KMT5B: variants seen among roughly 807,000 people sequenced by gnomAD.
KMT5B encodes the protein histone-lysine N-methyltransferase KMT5B.
Under a neutral mutation model 83.2 loss-of-function variants are expected in KMT5B, and 10 were observed. That is an observed-to-expected ratio of 0.12 (90% CI 0.07 to 0.20). The LOEUF (loss-of-function observed/expected upper bound fraction) is 0.20, where lower values mean the gene tolerates loss of function less well. Among genes scored for constraint, KMT5B ranks in the 10% least tolerant of loss-of-function variants. The pLI, the probability that KMT5B is intolerant of heterozygous loss-of-function variation, is 1.00. For synonymous variants in KMT5B, 349 were observed against 388.8 expected, an observed-to-expected ratio of 0.90 and a Z score of 1.20; for missense variants, 753 against 1,067.2, an observed-to-expected ratio of 0.71 and a Z score of 4.10.
rs1861219195 is a variant in KMT5B at position 68,213,288 on chromosome 11, A to T, written c.-227T>A. 1 of 147,080 alleles carries T rather than the reference A, an allele frequency of 6.8e-6. No individual in the cohort carries two copies. Among genetic ancestry groups the T allele is most frequent in the Middle Eastern group, 3.5e-3 (1 of 284 alleles). 9.1% of individuals were successfully genotyped at this position (147,080 alleles called of 1,614,324 possible). On this transcript the variant is annotated 5_prime_UTR_variant, in exon 1 of 11. Coordinates refer to ENST00000304363, the MANE Select transcript of KMT5B (RefSeq NM_017635.5). ...ATTCCAGAGAAAAATGGAGAGTAAA[A>T]TCCAAGATGGCGGCGCGGGCCGCAG...
At chr11:68,198,041 G>A (rs776642638) in intron 1 of KMT5B, among the ~76,000 whole-genome samples, 2 of 152,166 alleles carry the variant, frequency 1.3e-5, no homozygotes, top group Non-Finnish European at 2.9e-5. Flanking sequence ...AAGACCACAC[G>A]TTTACACATT....
At position 68,185,721 on chromosome 11, in the gene KMT5B, T is replaced by A. The variant is rs371190216; in HGVS notation, c.308+60A>T. Reference sequence around the variant, plus strand: ...TTTTGAGCAAAAGTAAAATTAGCCATCTATGTTCTTGAATTCAACATAATC... The same window carrying A: ...TTTTGAGCAAAAGTAAAATTAGCCAACTATGTTCTTGAATTCAACATAATC... On this transcript the variant is annotated intron_variant, in intron 3 of 10. Transcript: ENST00000304363. 6 of 1,472,682 alleles carry A rather than the reference T, an allele frequency of 4.1e-6. No individual in the cohort carries two copies. The African/African-American group carries it at 4.2e-5, about 10-fold the overall frequency. 91.2% of individuals were successfully genotyped at this position (1,472,682 alleles called of 1,614,324 possible).
chr11:68,181,923 C>T (rs184634464), intron 3 of KMT5B, among the ~76,000 whole-genome samples: 23 of 152,360 alleles, frequency 1.5e-4, no homozygotes, highest in Admixed American at 7.8e-4. Flanking sequence ...GCCTGAAGTG[C>T]TGGCATTGCT....
At chr11:68,199,470 G>A (rs1859144754) in intron 1 of KMT5B, among the ~76,000 whole-genome samples, 1 of 152,134 alleles carries the variant, frequency 6.6e-6, no homozygotes. Flanking sequence ...GGCGTGGCTG[G>A]GGCAAATATG....
At chr11:68,185,105 GA>G (rs1167634700) in intron 3 of KMT5B, among the ~76,000 whole-genome samples, 1 of 151,518 alleles carries the variant, frequency 6.6e-6, no homozygotes, top group African/African-American at 2.4e-5. Context: ...ATAAAATCAT[GA>G]AAAAAAGGGA....
At chr11:68,180,639 C>G (rs1856828109) in intron 3 of KMT5B, among the ~76,000 whole-genome samples, 1 of 152,130 alleles carries the variant, frequency 6.6e-6, no homozygotes, top group South Asian at 2.1e-4. Context: ...AAACTCAGTG[C>G]CCTGAAGTGA....
chr11:68,201,918 CAA>C (rs779662280), intron 1 of KMT5B, among the ~76,000 whole-genome samples: 14 of 82,912 alleles, frequency 1.7e-4, no homozygotes, highest in East Asian at 3.3e-4. Flanking sequence ...CAGTCTCTAC[CAA>C]AAAAAAAAAA....
upstream of KMT5B, chr11:68,213,599 T>TGCCCTGCCGCCC (rs1321778047): frequency 2.0e-5 from 3 of 152,208 alleles, no homozygotes; most frequent in Non-Finnish European, 4.4e-5. Flanking sequence ...ATCGCCCCGC[T>TGCCCTGCCGCCC]GCCCTGCCGC....
rs1190652684 is a variant in KMT5B, at chr11:68,179,705, TATAAA to T, written c.377+422_377+426del. On this transcript the variant is annotated intron_variant, in intron 4 of 10. Coordinates refer to ENST00000304363, the MANE Select transcript of KMT5B (RefSeq NM_017635.5). ...GAGAAAAATGCTCAAATATTTAAGATATAAAATAAAACCATGAGGCAACATAGTGA... is the reference window on the plus strand; with the variant it reads ...GAGAAAAATGCTCAAATATTTAAGATATAAAACCATGAGGCAACATAGTGA... 5 of 1,048,744 alleles carry T rather than the reference TATAAA, an allele frequency of 4.8e-6. No homozygotes were observed. In the East Asian group the frequency reaches 3.2e-4, roughly 67 times the overall value. 65.0% of individuals were successfully genotyped at this position (1,048,744 alleles called of 1,614,324 possible). A position where few individuals can be genotyped will look rare whatever the true frequency, so the allele number is the denominator to read the frequency against.
Position 68,155,233 on chromosome 11 carries a change from C to A in KMT5B, c.*2455G>T, listed in dbSNP as rs1024063887. ...GGTGTGTGGCTGTCACCATTCCACACGGTGAAGTTCTACAGCAGATCCGGA... is the reference window on the plus strand; with the variant it reads ...GGTGTGTGGCTGTCACCATTCCACAAGGTGAAGTTCTACAGCAGATCCGGA... On this transcript the variant is annotated 3_prime_UTR_variant, in exon 11 of 11. Coordinates refer to ENST00000304363, the MANE Select transcript of KMT5B (RefSeq NM_017635.5). The A allele has an allele frequency of 2.0e-5, 3 of 152,186 alleles. No homozygotes were observed. The highest frequency in any genetic ancestry group is 2.9e-5 in the Non-Finnish European group (2 of 68,042). The allele number at this position is 152,186 out of a possible 1,614,324, so 9.4% of individuals were successfully genotyped here. A position where few individuals can be genotyped will look rare whatever the true frequency, so the allele number is the denominator to read the frequency against.
At chr11:68,197,615 T>G (rs1858882316) in intron 1 of KMT5B, among the ~76,000 whole-genome samples, 1 of 152,210 alleles carries the variant, frequency 6.6e-6, no homozygotes, top group Non-Finnish European at 1.5e-5. Flanking sequence ...GCACATAATT[T>G]AAATTAAATG....
Position 68,158,359 on chromosome 11 carries a change from C to T in KMT5B, c.1987G>A (p.Val663Met). 6.8e-6 allele frequency: 11 copies of T among 1,614,190 alleles called. No homozygotes were observed. Among genetic ancestry groups the T allele is most frequent in the East Asian group, 2.2e-5 (1 of 44,888 alleles). The part of the protein sequence containing the change: ...GEHSGTVGVP[V>M]SYTDCAPSPV... ...GAAGGAGCACAGTCTGTGTAGCTCA[C>T]AGGCACGCCCACAGTGCCACTGTGC... is the stretch of plus-strand genomic sequence containing the variant. Residue 663 changes from valine (V) to methionine (M), a missense_variant, in exon 11 of 11, where the codon GTG becomes ATG. Val to Met is a conservative substitution (Grantham distance 21). This residue lies in a region of KMT5B where 397 missense variants were observed against 395.9 expected (regional missense o/e 1.00). Coordinates refer to ENST00000304363, the MANE Select transcript of KMT5B (RefSeq NM_017635.5).
intron 1 of KMT5B, among the ~76,000 whole-genome samples, chr11:68,195,508 G>A (rs1024629013): frequency 6.6e-6 from 1 of 152,182 alleles, no homozygotes; most frequent in Non-Finnish European, 1.5e-5. Flanking sequence ...CTTATCTCCA[G>A]GGCCTGGGAA....
At chr11:68,163,847 G>A (rs1855062667) in intron 10 of KMT5B, among the ~76,000 whole-genome samples, 1 of 152,162 alleles carries the variant, frequency 6.6e-6, no homozygotes, top group Non-Finnish European at 1.5e-5. Flanking sequence ...TGAGTGACAG[G>A]GCAGGAGTGA....
rs961303710 is a variant in KMT5B at position 68,171,407 on chromosome 11, A to G, written c.820+136T>C. 8 of 1,277,322 alleles carry G rather than the reference A, an allele frequency of 6.3e-6. No individual in the cohort carries two copies. Among genetic ancestry groups the G allele is most frequent in the African/African-American group, 1.5e-5 (1 of 65,918 alleles). 79.1% of individuals were successfully genotyped at this position (1,277,322 alleles called of 1,614,324 possible). ...ACTAAAGGAATATACATTTATTTTAATAAGTTTGTGGAAACATTTCTATTT... is the reference window on the plus strand; with the variant it reads ...ACTAAAGGAATATACATTTATTTTAGTAAGTTTGTGGAAACATTTCTATTT... On this transcript the variant is annotated intron_variant, in intron 7 of 10. Coordinates refer to ENST00000304363, the MANE Select transcript of KMT5B (RefSeq NM_017635.5). The surrounding 1 kb of genome is among the most constrained non-coding windows in gnomAD (Gnocchi z 5.1).
rs1859384500 is a variant in KMT5B, at chr11:68,157,506, T to C, written c.*182A>G. On this transcript the variant is annotated 3_prime_UTR_variant, in exon 11 of 11. Coordinates refer to ENST00000304363, the MANE Select transcript of KMT5B (RefSeq NM_017635.5). ...TAAGAAGGCTATTTAAAAAGTACGA[T>C]AAAAATTTGCACAAATCAGACTTAA... 5 of 890,874 alleles carry C rather than the reference T, an allele frequency of 5.6e-6. No homozygotes were observed. The East Asian group carries it at 1.6e-4, about 28-fold the overall frequency. The allele number at this position is 890,874 out of a possible 1,614,324, so 55.2% of individuals were successfully genotyped here.
At chr11:68,175,875 G>T (rs867854434) in intron 4 of KMT5B, among the ~76,000 whole-genome samples, 1 of 151,100 alleles carries the variant, frequency 6.6e-6, no homozygotes, top group Admixed American at 6.6e-5. Context: ...TGGTGAAATT[G>T]CTATACTGGT....
At chr11:68,178,389 C>T (rs1285471620) in intron 4 of KMT5B, among the ~76,000 whole-genome samples, 2 of 152,172 alleles carry the variant, frequency 1.3e-5, no homozygotes, top group Non-Finnish European at 2.9e-5. Flanking sequence ...ACAAAATAGT[C>T]AACTCTTGAT....
At chr11:68,172,412 T>C (rs1175090906) in intron 6 of KMT5B, among the ~76,000 whole-genome samples, 3 of 151,364 alleles carry the variant, frequency 2.0e-5, no homozygotes, top group African/African-American at 7.3e-5. Context: ...TTTTTTTGTA[T>C]TTTTACTAGA....
Sources: allele counts gnomAD v4.1 joint callset (sites outside exome capture counted in the v4.1 genomes callset), GRCh38; gene constraint gnomAD v4.1.1; regional missense constraint gnomAD v4.1.1; non-coding constraint Gnocchi (gnomAD v3.1); transcripts MANE v1.5; gene names NCBI Gene and HGNC (gene_info 2026-07-23, HGNC 2026-07-21).